FSHR: variants seen among roughly 807,000 people sequenced by gnomAD.
FSHR encodes the protein follicle-stimulating hormone receptor.
A neutral mutation model predicts 52.1 loss-of-function variants in FSHR; 46 were observed. The ratio of observed to expected loss-of-function variants is 0.88; its 90% CI spans 0.70 to 1.13. The LOEUF is 1.13. Among genes scored for constraint, FSHR ranks in the 50% most tolerant of loss-of-function variants. The pLI, the probability that FSHR is intolerant of heterozygous loss-of-function variation, is 0.00. For synonymous variants in FSHR, 399 were observed against 309.6 expected (o/e 1.29, Z -3.03); for missense variants, 964 against 834.6 (o/e 1.16, Z -1.91).
intron 2 of FSHR, among the ~76,000 whole-genome samples, chr2:49,045,257 C>T (rs3892125): frequency 0.15 from 22,329 of 152,172 alleles, 1,630 homozygotes; most frequent in Middle Eastern, 0.22. Flanking sequence ...ACACAGGAAT[C>T]GTATTTCATA....
intron 2 of FSHR, among the ~76,000 whole-genome samples, chr2:49,033,448 G>GA (rs1668172141): frequency 1.3e-5 from 2 of 152,196 alleles, no homozygotes; most frequent in Admixed American, 1.3e-4. Flanking sequence ...AAGTAAGGGG[G>GA]AAAATCACCA....
intron 2 of FSHR, among the ~76,000 whole-genome samples, chr2:49,064,778 CTG>C (rs1191210140): frequency 2.6e-5 from 4 of 152,080 alleles, no homozygotes; most frequent in Non-Finnish European, 4.4e-5. Flanking sequence ...ATCTGAGAAA[CTG>C]TAAATTCTGA....
intron 2 of FSHR, among the ~76,000 whole-genome samples, chr2:49,034,448 G>T (rs577031835): frequency 5.3e-5 from 8 of 152,322 alleles, no homozygotes; most frequent in African/African-American, 1.9e-4. Context: ...GTATATGCAG[G>T]TGTCAATAGC....
At chr2:48,974,133 G>T (rs973476124) in intron 8 of FSHR, among the ~76,000 whole-genome samples, 1 of 152,180 alleles carries the variant, frequency 6.6e-6, no homozygotes, top group Admixed American at 6.5e-5. Context: ...TAGACTTAAA[G>T]TGAGCTCAGG....
At chr2:49,057,336 A>C (rs1407726378) in intron 2 of FSHR, among the ~76,000 whole-genome samples, 1 of 152,164 alleles carries the variant, frequency 6.6e-6, no homozygotes, top group Non-Finnish European at 1.5e-5. Flanking sequence ...ATACACAATG[A>C]CAGTAGCAGT....
intron 2 of FSHR, among the ~76,000 whole-genome samples, chr2:49,038,986 G>A (rs1330682038): frequency 1.3e-5 from 2 of 152,166 alleles, no homozygotes; most frequent in Non-Finnish European, 2.9e-5. Context: ...ATTTGAGAAC[G>A]TGTGCATATG....
At position 49,070,855 on chromosome 2, in the gene FSHR, A is replaced by G. The variant is rs184438380; in HGVS notation, c.153-2565T>C. On this transcript the variant is annotated intron_variant, in intron 1 of 9. Coordinates refer to ENST00000406846, the MANE Select transcript of FSHR (RefSeq NM_000145.4). ...AGAAGTCTTCTATAAAACATTACAAATATTATTTTAAATGCATAGTAGAGC... is the reference window on the plus strand; with the variant it reads ...AGAAGTCTTCTATAAAACATTACAAGTATTATTTTAAATGCATAGTAGAGC... Among the ~76,000 whole-genome samples the G allele has an allele frequency of 1.4e-3, 211 of 152,312 alleles. 2 individuals are homozygous for G. The Middle Eastern group carries it at 0.027, about 20-fold the overall frequency.
chr2:49,144,398 C>G (rs996812710), intron 1 of FSHR, among the ~76,000 whole-genome samples: 1 of 152,098 alleles, frequency 6.6e-6, no homozygotes, highest in African/African-American at 2.4e-5. Context: ...GCACTTCTTT[C>G]CCCTTATTTC....
intron 2 of FSHR, among the ~76,000 whole-genome samples, chr2:49,066,987 C>G (rs904000567): frequency 6.6e-6 from 1 of 152,000 alleles, no homozygotes; most frequent in Non-Finnish European, 1.5e-5. Context: ...TTTAGTATCC[C>G]CATCTTCTAA....
chr2:49,151,300 C>G (rs935222844), intron 1 of FSHR, among the ~76,000 whole-genome samples: 2 of 151,950 alleles, frequency 1.3e-5, no homozygotes, highest in African/African-American at 2.4e-5. Flanking sequence ...CTTTTTTGTG[C>G]TTTGGTTTGT....
At chr2:49,136,623 G>C (rs1213656600) in intron 1 of FSHR, among the ~76,000 whole-genome samples, 1 of 152,030 alleles carries the variant, frequency 6.6e-6, no homozygotes, top group Non-Finnish European at 1.5e-5. Context: ...TAAAATGCTT[G>C]AAAACTGAAT....
At chr2:49,149,326 A>C (rs1225320752) in intron 1 of FSHR, among the ~76,000 whole-genome samples, 1 of 152,036 alleles carries the variant, frequency 6.6e-6, no homozygotes, top group Admixed American at 6.6e-5. Context: ...TCATGAGAAC[A>C]CAGCACACTT....
intron 1 of FSHR, among the ~76,000 whole-genome samples, chr2:49,090,308 C>T (rs1401682079): frequency 6.6e-6 from 1 of 152,246 alleles, no homozygotes; most frequent in East Asian, 1.9e-4. Flanking sequence ...CTAGTAATGA[C>T]CAATCTGTTC....
chr2:49,071,973 A>G (rs1669754237), intron 1 of FSHR, among the ~76,000 whole-genome samples: 1 of 152,162 alleles, frequency 6.6e-6, no homozygotes, highest in African/African-American at 2.4e-5. Flanking sequence ...AACAATGGAT[A>G]TTTCAATATG....
intron 1 of FSHR, among the ~76,000 whole-genome samples, chr2:49,080,073 A>G (rs1670110044): frequency 6.6e-6 from 1 of 152,206 alleles, no homozygotes; most frequent in Non-Finnish European, 1.5e-5. Flanking sequence ...GATAAAATGC[A>G]AACGATCAAT....
At chr2:48,977,532 G>A (rs1032373008) in intron 8 of FSHR, among the ~76,000 whole-genome samples, 2 of 152,050 alleles carry the variant, frequency 1.3e-5, no homozygotes, top group African/African-American at 4.8e-5. Flanking sequence ...GATGACAGAG[G>A]CTGTCTCCTC....
At chr2:48,979,952 G>A (rs370804131) in intron 8 of FSHR, among the ~76,000 whole-genome samples, 36 of 152,138 alleles carry the variant, frequency 2.4e-4, no homozygotes, top group African/African-American at 8.5e-4. Context: ...CCTGAGGTGG[G>A]CTGGTCTACT....
At chr2:49,085,576 A>G (rs1670350741) in intron 1 of FSHR, among the ~76,000 whole-genome samples, 1 of 152,184 alleles carries the variant, frequency 6.6e-6, no homozygotes, top group African/African-American at 2.4e-5. Context: ...GGGATCTAGA[A>G]CTAGAAATAC....
At chr2:49,147,830 G>A (rs1362407914) in intron 1 of FSHR, among the ~76,000 whole-genome samples, 2 of 151,704 alleles carry the variant, frequency 1.3e-5, no homozygotes, top group African/African-American at 4.8e-5. Flanking sequence ...ACAAAAGTAG[G>A]TGCAGGATTT....
Sources: allele counts gnomAD v4.1 joint callset (sites outside exome capture counted in the v4.1 genomes callset), GRCh38; gene constraint gnomAD v4.1.1; transcripts MANE v1.5; gene names NCBI Gene and HGNC (gene_info 2026-07-23, HGNC 2026-07-21).